Variants in CLSTN2 observed in about 807,000 individuals in gnomAD.
CLSTN2 encodes calsyntenin 2, also known as calsyntenin-2.
In CLSTN2, 48 loss-of-function variants were observed where a neutral mutation model predicts 101.2. The ratio of observed to expected loss-of-function variants is 0.47; its 90% CI spans 0.38 to 0.60. The LOEUF (loss-of-function observed/expected upper bound fraction) is 0.60, where lower values mean the gene tolerates loss of function less well. CLSTN2 is among the 20% of genes least tolerant of loss of function. The probability of loss-of-function intolerance (pLI) is 0.00; values close to 1 mark genes in which losing one functional copy is unlikely to be tolerated. For missense variants in CLSTN2, 1,160 were observed against 1,238.2 expected, an observed-to-expected ratio of 0.94 and a Z score of 0.95; for synonymous variants, 481 against 463.6, an observed-to-expected ratio of 1.04 and a Z score of -0.48.
At chr3:140,117,275 A>T (rs2009260770) in intron 1 of CLSTN2, among the ~76,000 whole-genome samples, 1 of 152,170 alleles carries the variant, frequency 6.6e-6, no homozygotes, top group African/African-American at 2.4e-5. Context: ...TGTCCTACAC[A>T]GCTCAGTGTC....
At chr3:140,081,296 A>G (rs1325806930) in intron 1 of CLSTN2, among the ~76,000 whole-genome samples, 1 of 152,248 alleles carries the variant, frequency 6.6e-6, no homozygotes, top group East Asian at 1.9e-4. Flanking sequence ...ATACGAAAGT[A>G]TTGACAGCAA....
At chr3:140,146,109 T>C (rs1264283454) in intron 1 of CLSTN2, among the ~76,000 whole-genome samples, 13 of 152,366 alleles carry the variant, frequency 8.5e-5, no homozygotes, top group African/African-American at 3.1e-4. Flanking sequence ...TAATTTCCTA[T>C]GGCCCTGCTC....
chr3:140,179,561 A>C (rs1180609996), intron 2 of CLSTN2, among the ~76,000 whole-genome samples: 1 of 137,758 alleles, frequency 7.3e-6, no homozygotes, highest in African/African-American at 2.7e-5. Flanking sequence ...TGATCCTAGG[A>C]AGTTGAGGCT....
At chr3:140,224,548 A>G (rs2086302552) in intron 2 of CLSTN2, among the ~76,000 whole-genome samples, 1 of 152,204 alleles carries the variant, frequency 6.6e-6, no homozygotes, top group Admixed American at 6.5e-5. Flanking sequence ...CAAGCAGATC[A>G]AAGTCCTCAA....
At chr3:140,366,265 A>C (rs2087788049) in intron 2 of CLSTN2, among the ~76,000 whole-genome samples, 1 of 152,156 alleles carries the variant, frequency 6.6e-6, no homozygotes, top group African/African-American at 2.4e-5. Context: ...GTGTAAATGG[A>C]GACACTGTCT....
At chr3:140,077,625 C>G (rs1576418881) in intron 1 of CLSTN2, among the ~76,000 whole-genome samples, 1 of 152,068 alleles carries the variant, frequency 6.6e-6, no homozygotes, top group Non-Finnish European at 1.5e-5. Flanking sequence ...TGAGGCTTGC[C>G]TACAAAACCC....
intron 1 of CLSTN2, among the ~76,000 whole-genome samples, chr3:140,013,249 G>T (rs1266703052): frequency 6.6e-6 from 1 of 152,376 alleles, no homozygotes; most frequent in East Asian, 1.9e-4. Context: ...GCCTTGTTGG[G>T]AATCCATGAA....
intron 1 of CLSTN2, among the ~76,000 whole-genome samples, chr3:140,079,971 C>A (rs1560088699): frequency 6.6e-6 from 1 of 152,102 alleles, no homozygotes; most frequent in Non-Finnish European, 1.5e-5. Flanking sequence ...CATACACTAA[C>A]TTTGAGGAAG....
chr3:140,335,284 C>T (rs1044459345), intron 2 of CLSTN2, among the ~76,000 whole-genome samples: 6 of 152,174 alleles, frequency 3.9e-5, no homozygotes, highest in Admixed American at 3.9e-4. Flanking sequence ...GGAGTCAAGG[C>T]ACAAAATTAC....
At chr3:140,220,679 G>T (rs1048480503) in intron 2 of CLSTN2, among the ~76,000 whole-genome samples, 17 of 152,244 alleles carry the variant, frequency 1.1e-4, no homozygotes, top group African/African-American at 4.1e-4. Context: ...ATTGGCACCT[G>T]CTTCCATGAT....
intron 2 of CLSTN2, among the ~76,000 whole-genome samples, chr3:140,251,680 G>C (rs777744612): frequency 1.6e-5 from 2 of 121,552 alleles, no homozygotes; most frequent in Non-Finnish European, 3.4e-5. Flanking sequence ...TCCTTGTTTA[G>C]TGCTTCCTTT....
rs79409094 is a variant in CLSTN2, at chr3:140,575,057, T to C, written c.*8804T>C. On this transcript the variant is annotated 3_prime_UTR_variant, in exon 17 of 17. Coordinates refer to ENST00000458420, the MANE Select transcript of CLSTN2 (RefSeq NM_022131.3). ...CACGCCCACCCACCTCCAGCTCCTC[T>C]ACATGGCTGCAAGAGCATGGCTGAT... 43 of 152,350 alleles carry C rather than the reference T, an allele frequency of 2.8e-4. No individual in the cohort carries two copies. Among genetic ancestry groups the C allele is most frequent in the African/African-American group, 1.0e-3 (42 of 41,576 alleles). The allele number at this position is 152,350 out of a possible 1,614,324, so 9.4% of individuals were successfully genotyped here.
At chr3:140,127,688 C>G (rs2009457682) in intron 1 of CLSTN2, among the ~76,000 whole-genome samples, 1 of 152,082 alleles carries the variant, frequency 6.6e-6, no homozygotes, top group Non-Finnish European at 1.5e-5. Context: ...ACAGAGACAG[C>G]CAGGCTCATC....
Position 140,201,103 on chromosome 3 carries a change from C to G in CLSTN2, c.232+25030C>G, listed in dbSNP as rs116815266. On this transcript the variant is annotated intron_variant, in intron 2 of 16. Transcript: ENST00000458420. ...TACTTGTTGGCTGAGATGAACGTGA[C>G]AGAGGCCCTGCCTTCAAAAGTTTTA... Among the ~76,000 whole-genome samples, 1,397 of 152,304 alleles carry G rather than the reference C, an allele frequency of 9.2e-3. 22 individuals carry two copies. Among genetic ancestry groups the G allele is most frequent in the African/African-American group, 0.032 (1,334 of 41,544 alleles).
intron 12 of CLSTN2, 35 bp downstream of exon 12, chr3:140,558,892 C>T (rs72980136): frequency 0.043 from 66,778 of 1,568,316 alleles, 2,307 homozygotes; most frequent in African/African-American, 0.18. Context: ...GGAGGGTGGA[C>T]CTTAATTTTT....
intron 1 of CLSTN2, among the ~76,000 whole-genome samples, chr3:140,011,700 C>T (rs1456683393): frequency 1.3e-5 from 2 of 152,178 alleles, no homozygotes; most frequent in East Asian, 1.9e-4. Flanking sequence ...CCTGGTTCTT[C>T]CTACATGCTT....
intron 2 of CLSTN2, among the ~76,000 whole-genome samples, chr3:140,388,904 G>T (rs919253745): frequency 6.6e-6 from 1 of 152,180 alleles, no homozygotes; most frequent in East Asian, 1.9e-4. Flanking sequence ...TTTACTGAGA[G>T]ATGTTATTAT....
intron 2 of CLSTN2, among the ~76,000 whole-genome samples, chr3:140,312,971 T>C (rs2087186498): frequency 6.6e-6 from 1 of 152,250 alleles, no homozygotes; most frequent in African/African-American, 2.4e-5. Flanking sequence ...TATTTGTTAA[T>C]TTCTTTTTGA....
intron 1 of CLSTN2, among the ~76,000 whole-genome samples, chr3:139,953,345 C>T (rs964347113): frequency 3.3e-5 from 5 of 152,120 alleles, no homozygotes; most frequent in Non-Finnish European, 7.4e-5. Context: ...GTACACCACA[C>T]CCCTGTGACA....
Sources: allele counts gnomAD v4.1 joint callset (sites outside exome capture counted in the v4.1 genomes callset), GRCh38; gene constraint gnomAD v4.1.1; transcripts MANE v1.5; gene names NCBI Gene and HGNC (gene_info 2026-07-23, HGNC 2026-07-21).